SLCO3A1: variants seen among roughly 807,000 people sequenced by gnomAD.
The protein encoded by SLCO3A1 is solute carrier organic anion transporter family member 3A1, also known as PGE1 transporter.
Under a neutral mutation model 63.1 loss-of-function variants are expected in SLCO3A1, and 27 were observed. The observed-to-expected ratio is 0.43, with a 90% CI of 0.32 to 0.59. SLCO3A1 has a LOEUF of 0.59. Among genes scored for constraint, SLCO3A1 ranks in the 20% least tolerant of loss-of-function variants. SLCO3A1 has a pLI of 0.09. For synonymous variants in SLCO3A1, 473 were observed against 409.9 expected, an observed-to-expected ratio of 1.15 and a Z score of -1.86; for missense variants, 773 against 945.8, an observed-to-expected ratio of 0.82 and a Z score of 2.40.
intron 9 of SLCO3A1, among the ~76,000 whole-genome samples, chr15:92,160,600 G>A (rs995188661): frequency 2.6e-5 from 4 of 152,160 alleles, no homozygotes; most frequent in African/African-American, 9.7e-5. Context: ...CGAGCTGCTT[G>A]GGAAGTTTAA....
intron 2 of SLCO3A1, among the ~76,000 whole-genome samples, chr15:92,076,149 T>C (rs1350175335): frequency 6.6e-6 from 1 of 152,170 alleles, no homozygotes; most frequent in Non-Finnish European, 1.5e-5. Flanking sequence ...AGTGATAAAA[T>C]CAGGGTGAAA....
intron 3 of SLCO3A1, chr15:92,098,127 G>A (rs1316013604): frequency 5.3e-5 from 8 of 152,286 alleles, no homozygotes; most frequent in African/African-American, 1.7e-4. Context: ...GAGGGCCCTC[G>A]TTATGGGGTA....
chr15:92,036,642 C>A (rs2046731393), intron 2 of SLCO3A1, among the ~76,000 whole-genome samples: 1 of 152,112 alleles, frequency 6.6e-6, no homozygotes, highest in African/African-American at 2.4e-5. Context: ...AGCTTTGCTG[C>A]TATCCAATTA....
chr15:92,127,981 G>A (rs536732007), intron 6 of SLCO3A1, among the ~76,000 whole-genome samples: 1 of 152,250 alleles, frequency 6.6e-6, no homozygotes, highest in African/African-American at 2.4e-5. Flanking sequence ...CATCGTGGAG[G>A]GGGTGGCCCT....
chr15:91,954,569 T>C lies in SLCO3A1; in HGVS notation c.646+38111T>C, dbSNP rs901578205. Among the ~76,000 whole-genome samples, 4 of 151,948 alleles carry C rather than the reference T, an allele frequency of 2.6e-5. No homozygotes were observed. Among genetic ancestry groups the C allele is most frequent in the Non-Finnish European group, 5.9e-5 (4 of 67,984 alleles). On this transcript the variant is annotated intron_variant, in intron 2 of 9. Transcript: ENST00000318445. This position sits in a 1 kb window ranked among gnomAD's most constrained non-coding sequence, Gnocchi z 4.7. Reference sequence around the variant, plus strand: ...CCCGCAGGCTTTCCTGAGAAGTGAATCCAGGCGCAGAAGGAAGAGGAAGTG... The same window carrying C: ...CCCGCAGGCTTTCCTGAGAAGTGAACCCAGGCGCAGAAGGAAGAGGAAGTG...
intron 2 of SLCO3A1, among the ~76,000 whole-genome samples, chr15:91,964,067 A>G (rs1900564809): frequency 6.6e-6 from 1 of 152,158 alleles, no homozygotes; most frequent in South Asian, 2.1e-4. Flanking sequence ...GCTAGACACA[A>G]AAGTTCTCCA....
intron 2 of SLCO3A1, among the ~76,000 whole-genome samples, chr15:91,979,067 G>A (rs1449490833): frequency 1.3e-5 from 2 of 152,306 alleles, no homozygotes; most frequent in East Asian, 1.9e-4. Context: ...ACTTCTCTGA[G>A]ATACAGGTAC....
In SLCO3A1 at chr15:91,954,194, C is replaced by T. The variant is rs975752579; in HGVS notation, c.646+37736C>T. Among the ~76,000 whole-genome samples the T allele has an allele frequency of 6.6e-6, 1 of 152,174 alleles. No homozygotes were observed. Among genetic ancestry groups the T allele is most frequent in the Admixed American group, 6.5e-5 (1 of 15,278 alleles). ...CCTCTCTGCTCAAGGGTGTTAGAGA[C>T]AGACCCCTAGGGGTTTCTGAACCAC... On this transcript the variant is annotated intron_variant, in intron 2 of 9. Transcript: ENST00000318445. The surrounding 1 kb of genome is among the most constrained non-coding windows in gnomAD (Gnocchi z 4.7).
In SLCO3A1 at chr15:92,125,462, T is replaced by C. The variant is rs572355368; in HGVS notation, c.1175-599T>C. 5.9e-5 allele frequency among the ~76,000 whole-genome samples: 9 copies of C among 152,292 alleles called. No homozygotes were observed. In the South Asian group the frequency reaches 1.7e-3, roughly 28 times the overall value. ...GAAAGGAAAAAATATATATGCCATT[T>C]ATTCACCAAGAGCTACAAAACATAT... On this transcript the variant is annotated intron_variant, in intron 5 of 9. Transcript: ENST00000318445.
intron 2 of SLCO3A1, among the ~76,000 whole-genome samples, chr15:91,998,015 T>G (rs1052143785): frequency 1.3e-5 from 2 of 152,118 alleles, no homozygotes; most frequent in Non-Finnish European, 2.9e-5. Flanking sequence ...CTAAAGAGCT[T>G]CTACATAACA....
rs534584482 is a variant in SLCO3A1 at position 92,127,370 on chromosome 15, C to T, written c.1374-981C>T. Among the ~76,000 whole-genome samples, 201 of 57,172 alleles carry T rather than the reference C, an allele frequency of 3.5e-3. 1 individual carries two copies. Among genetic ancestry groups the T allele is most frequent in the Admixed American group, 0.023 (91 of 3,964 alleles). The allele number at this position is 57,172 out of a possible 152,430, so 37.5% of individuals were successfully genotyped here. The stretch of plus-strand genomic sequence containing the variant: ...AAAGAAAAGAAAAGTGTATATCCTA[C>T]ATCACACAGCCCTAGTTCCAGCGCC... On this transcript the variant is annotated intron_variant, in intron 6 of 9. Coordinates refer to ENST00000318445, the MANE Select transcript of SLCO3A1 (RefSeq NM_013272.4).
chr15:92,060,844 T>C (rs2047078767), intron 2 of SLCO3A1, among the ~76,000 whole-genome samples: 1 of 152,212 alleles, frequency 6.6e-6, no homozygotes, highest in Non-Finnish European at 1.5e-5. Context: ...TTTTTAAACA[T>C]TTTTGTTAAA....
At chr15:91,940,410 A>G (rs1417663148) in intron 2 of SLCO3A1, among the ~76,000 whole-genome samples, 3 of 152,194 alleles carry the variant, frequency 2.0e-5, no homozygotes, top group Non-Finnish European at 4.4e-5. Flanking sequence ...AGACTCAGGG[A>G]CATTGGCTTA....
intron 2 of SLCO3A1, among the ~76,000 whole-genome samples, chr15:92,041,331 G>C (rs2046794070): frequency 6.6e-6 from 1 of 152,182 alleles, no homozygotes; most frequent in Admixed American, 6.5e-5. Flanking sequence ...CAGGGAGGGA[G>C]ACACAGAAGA....
intron 4 of SLCO3A1, among the ~76,000 whole-genome samples, chr15:92,116,400 CTTGCTGGTGACAGTACCA>C (rs1252317748): frequency 6.6e-6 from 1 of 152,216 alleles, no homozygotes; most frequent in Non-Finnish European, 1.5e-5. Flanking sequence ...TTTGTGTCAT[CTTGCTGGTGACAGTACCA>C]AGCTCCTAAT....
Position 92,162,753 on chromosome 15 carries a change from C to T in SLCO3A1, c.1754-3C>T, listed in dbSNP as rs1198428746. The T allele has an allele frequency of 6.2e-7, 1 of 1,607,252 alleles. No homozygotes were observed. Among genetic ancestry groups the T allele is most frequent in the Admixed American group, 1.7e-5 (1 of 59,144 alleles). The stretch of plus-strand genomic sequence containing the variant: ...AACCTTAACATTCTTTTCCCGGTAA[C>T]AGGCTTCATCCCTCCACCCCTCATC... On this transcript the variant is annotated splice_region_variant and splice_polypyrimidine_tract_variant and intron_variant, in intron 9 of 9. Coordinates refer to ENST00000318445, the MANE Select transcript of SLCO3A1 (RefSeq NM_013272.4).
rs187234528 is a variant in SLCO3A1, at chr15:92,058,421, C to T, written c.647-36460C>T. ...AAATGATTGAGTTTTACCCCTCACC[C>T]ATCCCCTAAGCCCATTCCTTTTAAG... is the stretch of plus-strand genomic sequence containing the variant. On this transcript the variant is annotated intron_variant, in intron 2 of 9. Coordinates refer to ENST00000318445, the MANE Select transcript of SLCO3A1 (RefSeq NM_013272.4). Among the ~76,000 whole-genome samples, 136 of 152,206 alleles carry T rather than the reference C, an allele frequency of 8.9e-4. 1 individual carries two copies. Among genetic ancestry groups the T allele is most frequent in the African/African-American group, 3.3e-3 (135 of 41,510 alleles).
intron 2 of SLCO3A1, among the ~76,000 whole-genome samples, chr15:92,094,353 A>G (rs559468493): frequency 6.6e-6 from 1 of 152,208 alleles, no homozygotes; most frequent in Non-Finnish European, 1.5e-5. Context: ...GATATTTACC[A>G]TCGTGTGAAC....
chr15:92,024,774 T>C (rs1341401039), intron 2 of SLCO3A1, among the ~76,000 whole-genome samples: 1 of 152,222 alleles, frequency 6.6e-6, no homozygotes, highest in African/African-American at 2.4e-5. Flanking sequence ...GGAAAACCTC[T>C]CTGAGAAGGT....
Sources: gnomAD v4.1 joint callset for allele counts (sites outside exome capture counted in the v4.1 genomes callset) on GRCh38, gnomAD v4.1.1 for gene constraint, Gnocchi (gnomAD v3.1) non-coding constraint, MANE v1.5 for transcripts, NCBI Gene and HGNC (gene_info 2026-07-23, HGNC 2026-07-21) for gene names.